Variants in ARHGEF3 observed in about 807,000 individuals in gnomAD.
ARHGEF3 encodes Rho guanine nucleotide exchange factor 3.
Under a neutral mutation model 63.2 loss-of-function variants are expected in ARHGEF3, and 28 were observed. The observed-to-expected ratio is 0.44, with a 90% CI of 0.33 to 0.61. The LOEUF (loss-of-function observed/expected upper bound fraction) is 0.61. Ranked by LOEUF, ARHGEF3 falls within the 20% of genes least tolerant of loss-of-function variation. ARHGEF3 has a pLI of 0.03. For missense variants in ARHGEF3, 533 were observed against 659.3 expected (o/e 0.81, Z 2.10); for synonymous variants, 266 against 254.2 (o/e 1.05, Z -0.44).
intron 1 of ARHGEF3, among the ~76,000 whole-genome samples, chr3:57,039,306 A>G (rs1431166624): frequency 6.6e-6 from 1 of 152,280 alleles, no homozygotes; most frequent in Non-Finnish European, 1.5e-5. Flanking sequence ...GGAAGCACCA[A>G]GTGTTGGTGA....
At chr3:56,932,118 G>T (rs1037018842) in intron 3 of ARHGEF3, among the ~76,000 whole-genome samples, 1 of 152,074 alleles carries the variant, frequency 6.6e-6, no homozygotes, top group African/African-American at 2.4e-5. Context: ...TTGCATTTCT[G>T]ACTTAGATTC....
At chr3:56,928,435 C>A (rs183459472) in intron 3 of ARHGEF3, among the ~76,000 whole-genome samples, 117 of 152,314 alleles carry the variant, frequency 7.7e-4, no homozygotes, top group African/African-American at 2.6e-3. Context: ...TCTGAAAACA[C>A]TCCTTAATGT....
At chr3:56,827,581 A>T (rs2038769566) in intron 4 of ARHGEF3, among the ~76,000 whole-genome samples, 1 of 151,920 alleles carries the variant, frequency 6.6e-6, no homozygotes, top group Non-Finnish European at 1.5e-5. Context: ...GTGCGCAGTA[A>T]ATGTCTGTTG....
At chr3:56,866,894 T>C (rs1241060306) in intron 4 of ARHGEF3, among the ~76,000 whole-genome samples, 3 of 152,256 alleles carry the variant, frequency 2.0e-5, no homozygotes, top group Non-Finnish European at 2.9e-5. Flanking sequence ...GATCTTTCCA[T>C]ACCAACTGAG....
intron 3 of ARHGEF3, chr3:56,938,502 G>A (rs934044658): frequency 3.9e-5 from 6 of 152,286 alleles, no homozygotes; most frequent in Middle Eastern, 6.8e-3. Context: ...GACAAGAAGG[G>A]ATGGAAGGAG....
chr3:56,905,384 A>G (rs1289653978), intron 3 of ARHGEF3, among the ~76,000 whole-genome samples: 1 of 152,182 alleles, frequency 6.6e-6, no homozygotes, highest in African/African-American at 2.4e-5. Flanking sequence ...GCTTAACACT[A>G]TATTTGGGAA....
At chr3:57,004,371 C>A (rs1001991056) in intron 2 of ARHGEF3, among the ~76,000 whole-genome samples, 2 of 152,222 alleles carry the variant, frequency 1.3e-5, no homozygotes, top group Non-Finnish European at 2.9e-5. Flanking sequence ...GCAACACCCT[C>A]GGGGCTTCCT....
intron 3 of ARHGEF3, among the ~76,000 whole-genome samples, chr3:56,899,955 C>T (rs1033812210): frequency 3.9e-5 from 6 of 152,186 alleles, no homozygotes; most frequent in East Asian, 3.8e-4. Context: ...AGTGCTTGGG[C>T]GACCCAAAAG....
upstream of ARHGEF3, among the ~76,000 whole-genome samples, chr3:56,806,781 A>C (rs1412970611): frequency 1.3e-5 from 2 of 152,246 alleles, no homozygotes; most frequent in Non-Finnish European, 2.9e-5. Context: ...GAGCAGGCCT[A>C]GCCTGAGGAT....
At chr3:56,951,736 T>C (rs1699822975) in intron 3 of ARHGEF3, among the ~76,000 whole-genome samples, 1 of 152,048 alleles carries the variant, frequency 6.6e-6, no homozygotes, top group South Asian at 2.1e-4. Context: ...ATTTTCAAAT[T>C]TGTGTTACTG....
intron 1 of ARHGEF3, among the ~76,000 whole-genome samples, chr3:57,075,599 C>G (rs1032750883): frequency 2.6e-5 from 4 of 151,798 alleles, no homozygotes; most frequent in Non-Finnish European, 2.9e-5. Flanking sequence ...CACTTGAGCT[C>G]AGGTATTCAA....
At chr3:56,901,018 G>A (rs536567188) in intron 3 of ARHGEF3, among the ~76,000 whole-genome samples, 32 of 152,300 alleles carry the variant, frequency 2.1e-4, no homozygotes, top group African/African-American at 7.0e-4. Context: ...TTTTTGGGTA[G>A]GGGTGGAAAG....
Position 56,953,600 on chromosome 3 carries a change from G to T in ARHGEF3, c.129+5223C>A, listed in dbSNP as rs1471141457. On this transcript the variant is annotated intron_variant, in intron 3 of 12. Coordinates refer to the ARHGEF3 transcript ENST00000338458. Reference sequence around the variant, plus strand: ...TCCACCTGGCTCCCTGACTATGGAGGGAGGCATGTGACCAAGGCCTGTCTA... The same window carrying T: ...TCCACCTGGCTCCCTGACTATGGAGTGAGGCATGTGACCAAGGCCTGTCTA... Among the ~76,000 whole-genome samples the T allele has an allele frequency of 1.3e-5, 2 of 152,180 alleles. 1 individual carries two copies. Among genetic ancestry groups the T allele is most frequent in the Middle Eastern group, 6.3e-3 (2 of 316 alleles).
At chr3:57,028,634 T>A (rs1203874419) in intron 2 of ARHGEF3, among the ~76,000 whole-genome samples, 1 of 141,476 alleles carries the variant, frequency 7.1e-6, no homozygotes, top group Non-Finnish European at 1.5e-5. Flanking sequence ...ATGGCACATG[T>A]ATACATATGT....
At chr3:56,971,446 G>T (rs990091534) in intron 2 of ARHGEF3, among the ~76,000 whole-genome samples, 10 of 152,108 alleles carry the variant, frequency 6.6e-5, no homozygotes, top group African/African-American at 2.2e-4. Context: ...TTCTCAGTCT[G>T]GTCTGGAGCT....
intron 3 of ARHGEF3, among the ~76,000 whole-genome samples, chr3:56,923,206 G>A (rs1002972816): frequency 7.3e-5 from 11 of 151,266 alleles, no homozygotes; most frequent in African/African-American, 2.7e-4. Flanking sequence ...CTGGGCAACA[G>A]AGCAAGACTC....
rs146072302 is a variant in ARHGEF3, at chr3:56,973,608, G to GA, written c.63-14720dup. On this transcript the variant is annotated intron_variant, in intron 2 of 12. Transcript: ENST00000338458. Reference sequence around the variant, plus strand: ...GAGAAGAGCCCCATGAGGGTAGGAGGAAAACCAAGAGAGGGACAACGCGGA... The same window carrying GA: ...GAGAAGAGCCCCATGAGGGTAGGAGGAAAAACCAAGAGAGGGACAACGCGGA... Among the ~76,000 whole-genome samples the GA allele has an allele frequency of 6.3e-3, 956 of 152,216 alleles. 6 individuals carry two copies. Among genetic ancestry groups the GA allele is most frequent in the African/African-American group, 0.022 (914 of 41,528 alleles).
intron 7 of ARHGEF3, among the ~76,000 whole-genome samples, chr3:56,742,355 A>G (rs1047178694): frequency 6.6e-6 from 1 of 152,216 alleles, no homozygotes; most frequent in Non-Finnish European, 1.5e-5. Context: ...AATTTTTATC[A>G]ACCCTCAAAG....
At chr3:56,957,159 C>T (rs949288291) in intron 3 of ARHGEF3, among the ~76,000 whole-genome samples, 3 of 152,218 alleles carry the variant, frequency 2.0e-5, no homozygotes, top group Non-Finnish European at 4.4e-5. Flanking sequence ...TTAGGAAGTG[C>T]ATGACTTGCA....
Sources: gnomAD v4.1 joint callset for allele counts (sites outside exome capture counted in the v4.1 genomes callset) on GRCh38, gnomAD v4.1.1 for gene constraint, MANE v1.5 for transcripts, NCBI Gene and HGNC (gene_info 2026-07-23, HGNC 2026-07-21) for gene names.